Variants in GRIA4 observed in about 807,000 individuals in gnomAD.
GRIA4 encodes glutamate ionotropic receptor AMPA type subunit 4.
GRIA4 carries 34 observed loss-of-function variants against 104.0 expected under a neutral mutation model. That is an observed-to-expected ratio of 0.33 (90% CI 0.25 to 0.44). The LOEUF (loss-of-function observed/expected upper bound fraction) is 0.44, where lower values mean the gene tolerates loss of function less well. Ranked by LOEUF, GRIA4 falls within the 20% of genes least tolerant of loss-of-function variation. The probability of loss-of-function intolerance (pLI) is 1.00; values close to 1 mark genes in which losing one functional copy is unlikely to be tolerated. For missense variants in GRIA4, 750 were observed against 1,096.5 expected, an observed-to-expected ratio of 0.68 and a Z score of 4.46; for synonymous variants, 386 against 381.9, an observed-to-expected ratio of 1.01 and a Z score of -0.13.
intron 3 of GRIA4, among the ~76,000 whole-genome samples, chr11:105,634,399 G>A (rs1191525322): frequency 7.2e-6 from 1 of 138,250 alleles, no homozygotes; most frequent in Non-Finnish European, 1.5e-5. Context: ...AAGGAAGGAA[G>A]GAAGGAGAAA....
chr11:105,638,539 A>ATGTG lies in GRIA4; in HGVS notation c.247+26129_247+26132dup, dbSNP rs66610848. Among the ~76,000 whole-genome samples, 756 of 149,478 alleles carry ATGTG rather than the reference A, an allele frequency of 5.1e-3. 5 individuals carry two copies. In the Middle Eastern group the frequency reaches 0.055, roughly 11 times the overall value. On this transcript the variant is annotated intron_variant, in intron 3 of 16. Transcript: ENST00000282499. ...TCTGTGCCTTACGAGGTGCGCGTGT[A>ATGTG]TGTGTGTGTGTGTGTGTGTGTGTGT...
chr11:105,859,028 T>C (rs1176288349), intron 4 of GRIA4, among the ~76,000 whole-genome samples: 1 of 152,152 alleles, frequency 6.6e-6, no homozygotes, highest in Non-Finnish European at 1.5e-5. Flanking sequence ...TTCTAATACC[T>C]AGGAGATGCA....
At chr11:105,959,832 CTGTT>C (rs1057382658) in intron 14 of GRIA4, among the ~76,000 whole-genome samples, 92 of 152,166 alleles carry the variant, frequency 6.0e-4, no homozygotes, top group African/African-American at 2.2e-3. Flanking sequence ...TTGTTGCTTT[CTGTT>C]TGTTTGTTTT....
At chr11:105,947,127 T>C (rs1253322883) in intron 14 of GRIA4, among the ~76,000 whole-genome samples, 1 of 152,222 alleles carries the variant, frequency 6.6e-6, no homozygotes, top group Non-Finnish European at 1.5e-5. Context: ...ACATAATATC[T>C]ATTTATGTAG....
At chr11:105,681,412 A>G (rs1952706790) in intron 3 of GRIA4, among the ~76,000 whole-genome samples, 1 of 152,194 alleles carries the variant, frequency 6.6e-6, no homozygotes, top group Non-Finnish European at 1.5e-5. Flanking sequence ...GTCATGAAGA[A>G]ATGTGGCTTC....
chr11:105,658,288 T>A (rs10895853), intron 3 of GRIA4, among the ~76,000 whole-genome samples: 71,066 of 151,504 alleles, frequency 0.47, 17,397 homozygotes, highest in Admixed American at 0.59. Flanking sequence ...GTTTATAGAA[T>A]AAAGATAAGA....
At chr11:105,799,728 T>C (rs1230736528) in intron 4 of GRIA4, among the ~76,000 whole-genome samples, 1 of 152,100 alleles carries the variant, frequency 6.6e-6, no homozygotes, top group East Asian at 1.9e-4. Flanking sequence ...TGAAGCATGA[T>C]TCAAGGTCAT....
At chr11:105,842,594 A>G (rs1944433668) in intron 4 of GRIA4, among the ~76,000 whole-genome samples, 1 of 152,162 alleles carries the variant, frequency 6.6e-6, no homozygotes, top group Non-Finnish European at 1.5e-5. Flanking sequence ...CACTTTTCAC[A>G]TTGCTCAACC....
intron 4 of GRIA4, among the ~76,000 whole-genome samples, chr11:105,831,728 G>A (rs1943984194): frequency 6.6e-6 from 1 of 152,018 alleles, no homozygotes; most frequent in African/African-American, 2.4e-5. Context: ...ATCAAGGAAT[G>A]AGCAACCATT....
At chr11:105,904,758 G>T (rs1414495680) in intron 8 of GRIA4, among the ~76,000 whole-genome samples, 1 of 152,082 alleles carries the variant, frequency 6.6e-6, no homozygotes, top group Admixed American at 6.5e-5. Flanking sequence ...TTTCAAAAAT[G>T]TCCTTATACT....
intron 7 of GRIA4, 65 bp downstream of exon 7, chr11:105,898,492 A>G: frequency 3.0e-6 from 3 of 1,006,082 alleles, no homozygotes. Flanking sequence ...AAAGTTTATT[A>G]TACAGTTTTT....
intron 3 of GRIA4, among the ~76,000 whole-genome samples, chr11:105,752,330 C>T (rs1358222732): frequency 2.0e-5 from 3 of 151,996 alleles, no homozygotes; most frequent in Admixed American, 1.3e-4. Flanking sequence ...GCGCAGCTGG[C>T]CCCAATTCAT....
At chr11:105,910,393 T>C in intron 9 of GRIA4, 42 bp from the exon 10 acceptor site, 1 of 944,236 alleles carries the variant, frequency 1.1e-6, no homozygotes, top group Non-Finnish European at 1.8e-6. Flanking sequence ...CTAGAGTAAA[T>C]GCTTCTAAAA....
intron 14 of GRIA4, among the ~76,000 whole-genome samples, chr11:105,955,258 A>T (rs948745818): frequency 6.6e-6 from 1 of 151,770 alleles, no homozygotes; most frequent in African/African-American, 2.4e-5. Flanking sequence ...CCGCCCTCTA[A>T]GTTCCCTCCC....
chr11:105,815,546 T>A (rs1002795339), intron 4 of GRIA4, among the ~76,000 whole-genome samples: 3 of 152,140 alleles, frequency 2.0e-5, no homozygotes, highest in Non-Finnish European at 4.4e-5. Context: ...GAGAGCTTTC[T>A]GAGTCTTTTA....
chr11:105,740,915 CA>C (rs1179370542), intron 3 of GRIA4, among the ~76,000 whole-genome samples: 1 of 152,142 alleles, frequency 6.6e-6, no homozygotes, highest in Admixed American at 6.6e-5. Flanking sequence ...ACATGGGTAT[CA>C]CTCCAAATAT....
intron 4 of GRIA4, among the ~76,000 whole-genome samples, chr11:105,852,627 G>T (rs1028595551): frequency 2.0e-5 from 3 of 152,052 alleles, no homozygotes; most frequent in South Asian, 4.1e-4. Context: ...CTCCACTAAA[G>T]AAATTTAATA....
chr11:105,713,628 C>G (rs954854534), intron 3 of GRIA4, among the ~76,000 whole-genome samples: 1 of 152,066 alleles, frequency 6.6e-6, no homozygotes, highest in African/African-American at 2.4e-5. Context: ...GGGATAAAAG[C>G]TTTCAATCAA....
intron 3 of GRIA4, among the ~76,000 whole-genome samples, chr11:105,665,390 T>C (rs1476241552): frequency 1.3e-5 from 2 of 152,002 alleles, no homozygotes; most frequent in South Asian, 2.1e-4. Flanking sequence ...CCTAATTATA[T>C]AGATACAAAG....
Sources: gnomAD v4.1 joint callset for allele counts (sites outside exome capture counted in the v4.1 genomes callset) on GRCh38, gnomAD v4.1.1 for gene constraint, MANE v1.5 for transcripts, NCBI Gene and HGNC (gene_info 2026-07-23, HGNC 2026-07-21) for gene names.